The following OSBPL9 variants were observed in gnomAD, a reference collection of about 807,000 sequenced individuals.
The protein encoded by OSBPL9 is oxysterol-binding protein-related protein 9.
In OSBPL9, 40 loss-of-function variants were observed where a neutral mutation model predicts 106.6. That is an observed-to-expected ratio of 0.38 (90% CI 0.29 to 0.49). The LOEUF (loss-of-function observed/expected upper bound fraction) is 0.49. Ranked by LOEUF, OSBPL9 falls within the 20% of genes least tolerant of loss-of-function variation. The pLI is 0.97. For missense variants in OSBPL9, 609 were observed against 887.2 expected (o/e 0.69, Z 3.98); for synonymous variants, 269 against 295.4 (o/e 0.91, Z 0.92).
chr1:51,732,519 T>C (rs781508093), intron 4 of OSBPL9, among the ~76,000 whole-genome samples: 1 of 152,248 alleles, frequency 6.6e-6, no homozygotes, highest in African/African-American at 2.4e-5. Context: ...TTAAATATTT[T>C]AATGAAGTTC....
At chr1:51,568,943 C>A in the OSBPL9 span, among the ~76,000 whole-genome samples, 1 of 152,320 alleles carries the variant, frequency 6.6e-6, no homozygotes, top group South Asian at 2.1e-4. Flanking sequence ...GAACTCCTGA[C>A]CTCAAGTGAT....
At chr1:51,765,247 G>T (rs1382508693) in intron 11 of OSBPL9, among the ~76,000 whole-genome samples, 1 of 152,028 alleles carries the variant, frequency 6.6e-6, no homozygotes, top group African/African-American at 2.4e-5. Flanking sequence ...TCTTCTCATC[G>T]TAGTCCTCTA....
intron 1 of OSBPL9, among the ~76,000 whole-genome samples, chr1:51,618,266 G>C (rs1033810023): frequency 6.6e-6 from 1 of 152,014 alleles, no homozygotes; most frequent in Non-Finnish European, 1.5e-5. Context: ...TGATCCACCC[G>C]CCTCGGCCTC....
rs144344344 is a variant in OSBPL9 at position 51,621,917 on chromosome 1, G to A, written c.111+4696G>A. Among the ~76,000 whole-genome samples the A allele has an allele frequency of 5.9e-4, 89 of 151,794 alleles. No individual in the cohort carries two copies. In the East Asian group the frequency reaches 0.015, roughly 26 times the overall value. ...TAATCAAATTTATTTTTTTTCTTTTGGGCAAGAATATAGGTGGAACCTATC... is the reference window on the plus strand; with the variant it reads ...TAATCAAATTTATTTTTTTTCTTTTAGGCAAGAATATAGGTGGAACCTATC... On this transcript the variant is annotated intron_variant, in intron 1 of 23. Coordinates refer to ENST00000428468, the MANE Select transcript of OSBPL9 (RefSeq NM_024586.6).
upstream of OSBPL9, among the ~76,000 whole-genome samples, chr1:51,574,592 C>T (rs1167613115): frequency 6.6e-6 from 1 of 152,068 alleles, no homozygotes; most frequent in African/African-American, 2.4e-5. Flanking sequence ...GCACTCCAGC[C>T]TGTGCGACAG....
chr1:51,681,861 A>G (rs913945592), intron 3 of OSBPL9, among the ~76,000 whole-genome samples: 1 of 152,234 alleles, frequency 6.6e-6, no homozygotes, highest in African/African-American at 2.4e-5. Flanking sequence ...AGTACCTAAT[A>G]GAGCACAAAT....
At chr1:51,580,113 T>C (rs1193052503) in intron 1 of OSBPL9, among the ~76,000 whole-genome samples, 1 of 152,160 alleles carries the variant, frequency 6.6e-6, no homozygotes, top group Non-Finnish European at 1.5e-5. Context: ...TACTGCCTTT[T>C]CTTTCTTTCT....
At chr1:51,661,768 G>A (rs973957725) in intron 2 of OSBPL9, among the ~76,000 whole-genome samples, 2 of 152,120 alleles carry the variant, frequency 1.3e-5, no homozygotes, top group Non-Finnish European at 2.9e-5. Context: ...TGCTTTACCA[G>A]ATATAATCAA....
chr1:51,528,127 A>G, the OSBPL9 span, among the ~76,000 whole-genome samples: 5 of 151,944 alleles, frequency 3.3e-5, no homozygotes, highest in African/African-American at 7.3e-5. Flanking sequence ...CTCTGTCCCA[A>G]AAAAAACCAA....
intron 2 of OSBPL9, among the ~76,000 whole-genome samples, chr1:51,653,817 T>C (rs1287150123): frequency 1.3e-5 from 2 of 152,070 alleles, no homozygotes; most frequent in Non-Finnish European, 2.9e-5. Context: ...CTGGGAAACA[T>C]AGTGAGATCC....
At chr1:51,540,723 T>C in the OSBPL9 span, among the ~76,000 whole-genome samples, 1 of 147,356 alleles carries the variant, frequency 6.8e-6, no homozygotes, top group African/African-American at 2.5e-5. Flanking sequence ...CTTTGGGAGG[T>C]CAAGGTGGGC....
At chr1:51,748,431 C>G (rs757259533) in intron 7 of OSBPL9, 33 bp downstream of exon 7, 58 of 1,447,376 alleles carry the variant, frequency 4.0e-5, no homozygotes, top group Non-Finnish European at 4.7e-5. Context: ...TCTGACTTTG[C>G]ATTAGAAAAT....
At chr1:51,604,240 A>T in intron 2 of OSBPL9, among the ~76,000 whole-genome samples, 1 of 152,148 alleles carries the variant, frequency 6.6e-6, no homozygotes, top group East Asian at 1.9e-4. Flanking sequence ...TACTGCCTCT[A>T]CCACTTCATT....
At chr1:51,578,795 G>A (rs940736649) in intron 1 of OSBPL9, among the ~76,000 whole-genome samples, 5 of 152,110 alleles carry the variant, frequency 3.3e-5, no homozygotes, top group Non-Finnish European at 7.4e-5. Context: ...TGAAAGAGAC[G>A]GATAAGTAAA....
intron 4 of OSBPL9, among the ~76,000 whole-genome samples, chr1:51,744,696 A>C (rs752406644): frequency 3.0e-4 from 45 of 152,134 alleles, no homozygotes; most frequent in Admixed American, 5.9e-4. Flanking sequence ...GCAGTTCCTA[A>C]CCCTCAGTCC....
intron 2 of OSBPL9, among the ~76,000 whole-genome samples, chr1:51,662,784 G>A (rs553857448): frequency 2.9e-5 from 4 of 136,714 alleles, no homozygotes; most frequent in African/African-American, 1.2e-4. Flanking sequence ...TCGCTCTGTC[G>A]CCCAGGGTGG....
chr1:51,713,132 G>T (rs1480161617), intron 3 of OSBPL9, among the ~76,000 whole-genome samples: 3 of 151,262 alleles, frequency 2.0e-5, no homozygotes, highest in African/African-American at 7.4e-5. Context: ...GGTTTTTTTT[G>T]TTTTTTTATT....
At chr1:51,530,184 A>AAAAAAAAAAAAAAAG in the OSBPL9 span, among the ~76,000 whole-genome samples, 2 of 103,410 alleles carry the variant, frequency 1.9e-5, no homozygotes, top group Non-Finnish European at 3.9e-5. Flanking sequence ...AAAAAAAAAA[A>AAAAAAAAAAAAAAAG]AAAAAAAACA....
chr1:51,655,417 A>T (rs1254480689), intron 2 of OSBPL9, among the ~76,000 whole-genome samples: 1 of 152,154 alleles, frequency 6.6e-6, no homozygotes, highest in Non-Finnish European at 1.5e-5. Context: ...TCTTCATGTC[A>T]GCGATGTGCA....
Sources: gnomAD v4.1 joint callset for allele counts (sites outside exome capture counted in the v4.1 genomes callset) on GRCh38, gnomAD v4.1.1 for gene constraint, MANE v1.5 for transcripts, NCBI Gene and HGNC (gene_info 2026-07-23, HGNC 2026-07-21) for gene names.